The following TTC34 variants were observed in gnomAD, a reference collection of about 807,000 sequenced individuals.
TTC34 encodes tetratricopeptide repeat domain 34.
In TTC34, 44 loss-of-function variants were observed where a neutral mutation model predicts 40.7. The ratio of observed to expected loss-of-function variants is 1.08; its 90% confidence interval spans 0.85 to 1.39. The LOEUF is 1.39. Among genes scored for constraint, TTC34 ranks in the 40% most tolerant of loss-of-function variants. The pLI is 0.00. For synonymous variants in TTC34, 422 were observed against 398.6 expected (o/e 1.06, Z -0.70); for missense variants, 884 against 838.0 (o/e 1.05, Z -0.68).
At chr1:2,751,416 G>A (rs1431516877) in intron 6 of TTC34, among the ~76,000 whole-genome samples, 6,897 of 31,708 alleles carry the variant, frequency 0.22, 70 homozygotes, top group East Asian at 0.3. Flanking sequence ...CACACAGGTG[G>A]GCATCTGACA....
At chr1:2,682,079 A>G (rs1640105852) in intron 6 of TTC34, among the ~76,000 whole-genome samples, 8 of 135,484 alleles carry the variant, frequency 5.9e-5, no homozygotes, top group Non-Finnish European at 3.2e-5. Context: ...ACAGGTGAGC[A>G]TCTGACAGCC....
chr1:2,699,352 C>A (rs537089247), intron 6 of TTC34, among the ~76,000 whole-genome samples: 1 of 122,900 alleles, frequency 8.1e-6, no homozygotes, highest in African/African-American at 2.7e-5. Context: ...CATCTGACAG[C>A]CTGGAACAGC....
chr1:2,755,168 T>A (rs1176564779), intron 6 of TTC34, among the ~76,000 whole-genome samples: 84 of 3,632 alleles, frequency 0.023, no homozygotes, highest in Non-Finnish European at 0.025. Context: ...ACAGCCTGGA[T>A]CAGCACCCAC....
intron 6 of TTC34, chr1:2,775,630 C>A (rs1643075946): frequency 6.7e-6 from 1 of 149,058 alleles, no homozygotes; most frequent in Non-Finnish European, 1.5e-5. Flanking sequence ...AGCACATCCC[C>A]TCAGGTGAGC....
intron 6 of TTC34, among the ~76,000 whole-genome samples, chr1:2,677,661 G>A (rs1639959840): frequency 6.6e-6 from 1 of 151,738 alleles, no homozygotes; most frequent in African/African-American, 2.4e-5. Flanking sequence ...CCCCAGGCGA[G>A]CATCTGACAG....
intron 6 of TTC34, among the ~76,000 whole-genome samples, chr1:2,681,821 A>T: frequency 9.0e-6 from 1 of 111,288 alleles, no homozygotes; most frequent in Admixed American, 8.8e-5. Flanking sequence ...GGCAACACCG[A>T]CACCCACAGG....
At chr1:2,684,513 A>T (rs1640229250) in intron 6 of TTC34, among the ~76,000 whole-genome samples, 2 of 145,678 alleles carry the variant, frequency 1.4e-5, no homozygotes, top group Non-Finnish European at 3.0e-5. Context: ...AACGGCACCC[A>T]CACCCCCAGG....
rs867033557 is a variant in TTC34, at chr1:2,682,011, G to A, written c.2227-36448C>T. On this transcript the variant is annotated intron_variant, in intron 6 of 8. Transcript: ENST00000401095. ...CCCCAGGTGAGCATCAGACAGCCTGGAACAACACCCATACCCACAGGTGAG... is the reference window on the plus strand; with the variant it reads ...CCCCAGGTGAGCATCAGACAGCCTGAAACAACACCCATACCCACAGGTGAG... 7.9e-3 allele frequency among the ~76,000 whole-genome samples: 941 copies of A among 118,626 alleles called. 6 individuals are homozygous for A. The highest frequency in any genetic ancestry group is 0.03 in the African/African-American group (885 of 29,468). 77.8% of individuals were successfully genotyped at this position (118,626 alleles called of 152,430 possible). A position where few individuals can be genotyped will look rare whatever the true frequency, so the allele number is the denominator to read the frequency against.
intron 6 of TTC34, among the ~76,000 whole-genome samples, chr1:2,693,293 A>G (rs1640711164): frequency 7.8e-6 from 1 of 128,382 alleles, no homozygotes; most frequent in African/African-American, 3.0e-5. Flanking sequence ...ACAGACTGGA[A>G]CTGCACCCCC....
chr1:2,642,006 G>T (rs1414503098), intron 8 of TTC34, 111 bp from the exon 9 acceptor site: 4 of 1,224,302 alleles, frequency 3.3e-6, no homozygotes, highest in Non-Finnish European at 4.4e-6. Flanking sequence ...GGCTCCCTGG[G>T]GATGGCGGGG....
At chr1:2,753,458 C>G (rs1259962602) in intron 6 of TTC34, among the ~76,000 whole-genome samples, 1,284 of 90,392 alleles carry the variant, frequency 0.014, no homozygotes, top group South Asian at 0.04. Context: ...AGCCTGCACC[C>G]CCAGGTGTGC....
intron 6 of TTC34, among the ~76,000 whole-genome samples, chr1:2,696,365 C>T (rs551109729): frequency 7.1e-3 from 139 of 19,464 alleles, no homozygotes; most frequent in Non-Finnish European, 0.011. Context: ...CACCCCCAGG[C>T]GAGGATCGGA....
At chr1:2,681,343 C>A (rs1465520799) in intron 6 of TTC34, among the ~76,000 whole-genome samples, 12 of 28,524 alleles carry the variant, frequency 4.2e-4, no homozygotes, top group South Asian at 2.6e-3. Flanking sequence ...AGCACGCTGC[C>A]CCCCCAGGTG....
rs1432887492 is a variant in TTC34, at chr1:2,755,911, T to G, written c.2226+27698A>C. ...CTTGAGCAGCACCCACACCCCCAGGTGAGCATCTGACAGCCTGGAGCAGCA... is the reference window on the plus strand; with the variant it reads ...CTTGAGCAGCACCCACACCCCCAGGGGAGCATCTGACAGCCTGGAGCAGCA... On this transcript the variant is annotated intron_variant, in intron 6 of 8. Transcript: ENST00000401095. Among the ~76,000 whole-genome samples the G allele has an allele frequency of 5.5e-5, 4 of 73,198 alleles. 1 individual carries two copies. The highest frequency in any genetic ancestry group is 9.3e-5 in the Non-Finnish European group (4 of 42,972). The allele number at this position is 73,198 out of a possible 152,430, so 48.0% of individuals were successfully genotyped here.
chr1:2,691,761 A>T (rs990258150), intron 6 of TTC34, among the ~76,000 whole-genome samples: 3 of 97,212 alleles, frequency 3.1e-5, no homozygotes, highest in Admixed American at 1.1e-4. Context: ...CAAGCATCTG[A>T]ACGCAAATAG....
At chr1:2,644,196 G>GC (rs1329552021) in intron 8 of TTC34, 68 bp downstream of exon 8, 1 of 1,437,996 alleles carries the variant, frequency 7.0e-7, no homozygotes, top group African/African-American at 1.4e-5. Context: ...CCAGTGGTGG[G>GC]CCCGGGGGTC....
intron 6 of TTC34, among the ~76,000 whole-genome samples, chr1:2,750,838 TACCCACACACCCA>T (rs1641295718): frequency 8.3e-5 from 2 of 24,110 alleles, no homozygotes; most frequent in African/African-American, 2.6e-4. Flanking sequence ...CCTGGAGCAG[TACCCACACACCCA>T]GGTGAGCATC....
chr1:2,700,155 T>C (rs1641064584), intron 6 of TTC34, among the ~76,000 whole-genome samples: 2 of 97,470 alleles, frequency 2.1e-5, no homozygotes, highest in South Asian at 3.4e-4. Flanking sequence ...TCGGACATCC[T>C]GGAGCATCAC....
chr1:2,683,977 T>G (rs1640202953), intron 6 of TTC34, among the ~76,000 whole-genome samples: 5 of 139,934 alleles, frequency 3.6e-5, no homozygotes, highest in Admixed American at 7.2e-5. Flanking sequence ...TCTGACAGCC[T>G]GGAGCAGCAT....
Sources: allele counts gnomAD v4.1 joint callset (sites outside exome capture counted in the v4.1 genomes callset), GRCh38; gene constraint gnomAD v4.1.1; transcripts MANE v1.5; gene names NCBI Gene and HGNC (gene_info 2026-07-23, HGNC 2026-07-21).